Variants in GRIA4 observed in about 807,000 individuals in gnomAD.
GRIA4 encodes glutamate ionotropic receptor AMPA type subunit 4, also known as glutamate receptor 4.
In GRIA4, 34 loss-of-function variants were observed where a neutral mutation model predicts 104.0. The observed-to-expected ratio is 0.33, with a 90% CI of 0.25 to 0.44. GRIA4 has a LOEUF of 0.44. GRIA4 is among the 20% of genes least tolerant of loss of function. The pLI is 1.00. For synonymous variants in GRIA4, 386 were observed against 381.9 expected (o/e 1.01, Z -0.13); for missense variants, 750 against 1,096.5 (o/e 0.68, Z 4.46).
chr11:105,619,022 T>A (rs1950671141), intron 3 of GRIA4, among the ~76,000 whole-genome samples: 1 of 151,848 alleles, frequency 6.6e-6, no homozygotes, highest in South Asian at 2.1e-4. Context: ...AACTGTAATA[T>A]CTTCAACATA....
At chr11:105,960,587 A>C (rs1262960616) in intron 14 of GRIA4, among the ~76,000 whole-genome samples, 4 of 152,178 alleles carry the variant, frequency 2.6e-5, no homozygotes, top group Non-Finnish European at 5.9e-5. Flanking sequence ...GAGTCCCAGT[A>C]CTGGCTGCCG....
intron 14 of GRIA4, among the ~76,000 whole-genome samples, chr11:105,943,985 T>A (rs1008910586): frequency 1.3e-5 from 2 of 152,016 alleles, no homozygotes; most frequent in Non-Finnish European, 2.9e-5. Flanking sequence ...GAAGTTAGAG[T>A]ACCAAGGAAG....
intron 3 of GRIA4, among the ~76,000 whole-genome samples, chr11:105,651,828 T>C (rs1951694580): frequency 6.6e-6 from 1 of 152,056 alleles, no homozygotes; most frequent in African/African-American, 2.4e-5. Flanking sequence ...GCCAAAAGAA[T>C]GAATAACACT....
intron 3 of GRIA4, among the ~76,000 whole-genome samples, chr11:105,684,845 A>T (rs1455594864): frequency 6.6e-6 from 1 of 151,716 alleles, no homozygotes; most frequent in Non-Finnish European, 1.5e-5. Context: ...TCTCATGATG[A>T]AAGTGGGTTT....
At chr11:105,747,895 GA>G (rs1565513885) in intron 3 of GRIA4, among the ~76,000 whole-genome samples, 2 of 152,056 alleles carry the variant, frequency 1.3e-5, no homozygotes, top group Non-Finnish European at 2.9e-5. Context: ...TCAATATTAA[GA>G]AACGAAAAAA....
intron 10 of GRIA4, among the ~76,000 whole-genome samples, chr11:105,916,056 C>T (rs1276556451): frequency 5.9e-5 from 8 of 135,078 alleles, no homozygotes; most frequent in African/African-American, 1.7e-4. Flanking sequence ...TGGTGGTGTG[C>T]GCCTGTAATC....
intron 9 of GRIA4, among the ~76,000 whole-genome samples, chr11:105,906,594 G>A (rs890165521): frequency 6.6e-6 from 1 of 152,174 alleles, no homozygotes; most frequent in Non-Finnish European, 1.5e-5. Flanking sequence ...TGGAGCTGCC[G>A]TGAAAACCAT....
chr11:105,701,460 T>G (rs1489092245), intron 3 of GRIA4, among the ~76,000 whole-genome samples: 1 of 152,214 alleles, frequency 6.6e-6, no homozygotes, highest in African/African-American at 2.4e-5. Flanking sequence ...CTTTAGAATA[T>G]GTAACTGCAT....
intron 4 of GRIA4, among the ~76,000 whole-genome samples, chr11:105,783,744 T>TTGTGTGTGTGTGTGTGTGTGTGTGTG (rs56222983): frequency 6.9e-6 from 1 of 145,376 alleles, no homozygotes; most frequent in African/African-American, 2.6e-5. Flanking sequence ...TGGATGTTAT[T>TTGTGTGTGTGTGTGTGTGTGTGTGTG]TGTGTGTGTG....
chr11:105,968,637 G>C (rs1401258309), intron 14 of GRIA4, among the ~76,000 whole-genome samples: 1 of 152,098 alleles, frequency 6.6e-6, no homozygotes, highest in Non-Finnish European at 1.5e-5. Flanking sequence ...TGACTTGTGG[G>C]GTACAAATTC....
Position 105,610,973 on chromosome 11 carries a change from C to T in GRIA4, c.-25C>T, listed in dbSNP as rs765502921. ...GAGTGCGAGAGAAAGAGAGAGAGCG[C>T]GCGCCAGGGAGAGGAGAAAAGAAGA... On this transcript the variant is annotated 5_prime_UTR_variant, in exon 2 of 17. Transcript: ENST00000282499. The T allele has an allele frequency of 1.3e-6, 2 of 1,487,330 alleles. 1 individual carries two copies. The highest frequency in any genetic ancestry group is 2.3e-5 in the South Asian group (2 of 88,400). The allele number at this position is 1,487,330 out of a possible 1,614,324, so 92.1% of individuals were successfully genotyped here.
In GRIA4 at chr11:105,773,030, A is replaced by G. The variant is rs566043652; in HGVS notation, c.487+19810A>G. On this transcript the variant is annotated intron_variant, in intron 4 of 16. Coordinates refer to ENST00000282499, the MANE Select transcript of GRIA4 (RefSeq NM_000829.4). The stretch of plus-strand genomic sequence containing the variant: ...AATGCAGATGAGGAGAGAAATGAAT[A>G]TACATGTTTACAAAGCCACAGAGAA... 1.2e-4 allele frequency among the ~76,000 whole-genome samples: 18 copies of G among 152,314 alleles called. 1 individual carries two copies. In the South Asian group the frequency reaches 2.9e-3, roughly 25 times the overall value.
At chr11:105,954,791 G>GT (rs1216199894) in intron 14 of GRIA4, among the ~76,000 whole-genome samples, 36 of 151,850 alleles carry the variant, frequency 2.4e-4, no homozygotes, top group Admixed American at 7.2e-4. Context: ...GTGGGGGTTA[G>GT]GTCTGAGCAT....
chr11:105,958,771 T>C (rs184116403), intron 14 of GRIA4, among the ~76,000 whole-genome samples: 28 of 152,296 alleles, frequency 1.8e-4, no homozygotes, highest in African/African-American at 6.0e-4. Context: ...CCATATTTAG[T>C]GTTTCTTTCA....
chr11:105,789,728 A>G (rs1942132376), intron 4 of GRIA4, among the ~76,000 whole-genome samples: 1 of 152,178 alleles, frequency 6.6e-6, no homozygotes, highest in Non-Finnish European at 1.5e-5. Flanking sequence ...GACATTACTT[A>G]AAAGAAAAAC....
At chr11:105,788,597 A>G (rs970933298) in intron 4 of GRIA4, among the ~76,000 whole-genome samples, 9 of 152,218 alleles carry the variant, frequency 5.9e-5, no homozygotes, top group African/African-American at 1.9e-4. Flanking sequence ...TTATAGCCAC[A>G]TGGATGGAGC....
At chr11:105,632,420 C>A (rs765380634) in intron 3 of GRIA4, among the ~76,000 whole-genome samples, 5 of 152,168 alleles carry the variant, frequency 3.3e-5, no homozygotes, top group African/African-American at 4.8e-5. Flanking sequence ...TGTAGAAACA[C>A]TTCCATTCTT....
At chr11:105,879,910 C>G (rs890867544) in intron 5 of GRIA4, among the ~76,000 whole-genome samples, 1 of 152,106 alleles carries the variant, frequency 6.6e-6, no homozygotes, top group Non-Finnish European at 1.5e-5. Context: ...AAGAAGGGAA[C>G]AGGGTGTAGT....
chr11:105,702,217 T>C (rs1953522460), intron 3 of GRIA4, among the ~76,000 whole-genome samples: 1 of 152,196 alleles, frequency 6.6e-6, no homozygotes, highest in African/African-American at 2.4e-5. Context: ...TGTGTATTAA[T>C]ATTTTTCCTA....
Sources: gnomAD v4.1 joint callset for allele counts (sites outside exome capture counted in the v4.1 genomes callset) on GRCh38, gnomAD v4.1.1 for gene constraint, MANE v1.5 for transcripts, NCBI Gene and HGNC (gene_info 2026-07-23, HGNC 2026-07-21) for gene names.